The following CEP44 variants were observed in gnomAD, a reference collection of about 807,000 sequenced individuals.
CEP44 encodes the protein centrosomal protein 44.
CEP44 carries 45 observed loss-of-function variants against 46.7 expected under a neutral mutation model. The ratio of observed to expected loss-of-function variants is 0.96; its 90% CI spans 0.76 to 1.24. The LOEUF (loss-of-function observed/expected upper bound fraction) is 1.24. CEP44 is among the 50% of genes most tolerant of loss of function. CEP44 has a pLI of 0.00. For missense variants in CEP44, 475 were observed against 459.7 expected, an observed-to-expected ratio of 1.03 and a Z score of -0.30; for synonymous variants, 142 against 146.0, an observed-to-expected ratio of 0.97 and a Z score of 0.20.
Position 174,288,377 on chromosome 4 carries a change from T to A in CEP44, c.-148+4434T>A, listed in dbSNP as rs1243266975. ...AGACACTGGGTTGTACCTGCAGATC[T>A]TATTTATTTTGCCTAACTGAAACTT... On this transcript the variant is annotated intron_variant, in intron 1 of 11. Coordinates refer to ENST00000503780, the MANE Select transcript of CEP44 (RefSeq NM_001040157.3). The surrounding 1 kb of genome is among the most constrained non-coding windows in gnomAD (Gnocchi z 4.6). Among the ~76,000 whole-genome samples, 1 of 152,184 alleles carries A rather than the reference T, an allele frequency of 6.6e-6. No individual in the cohort carries two copies. Among genetic ancestry groups the A allele is most frequent in the East Asian group, 1.9e-4 (1 of 5,194 alleles).
At position 174,329,070 on chromosome 4, in the gene CEP44, G is replaced by A. The variant is rs944139202; in HGVS notation, c.1087-2412G>A. 1.3e-5 allele frequency among the ~76,000 whole-genome samples: 2 copies of A among 151,946 alleles called. No homozygotes were observed. Among genetic ancestry groups the A allele is most frequent in the Non-Finnish European group, 2.9e-5 (2 of 67,954 alleles). On this transcript the variant is annotated intron_variant, in intron 8 of 8. Coordinates refer to the CEP44 transcript ENST00000426172. This position sits in a 1 kb window ranked among gnomAD's most constrained non-coding sequence, Gnocchi z 4.0. ...CAAGCAATCCTCCCACAGCAGCCACGTGAGTAGCCAGAACTACAGATGTGT... is the reference window on the plus strand; with the variant it reads ...CAAGCAATCCTCCCACAGCAGCCACATGAGTAGCCAGAACTACAGATGTGT...
intron 6 of CEP44, among the ~76,000 whole-genome samples, chr4:174,308,078 A>G (rs1186645678): frequency 6.6e-6 from 1 of 152,152 alleles, no homozygotes; most frequent in Non-Finnish European, 1.5e-5. Flanking sequence ...AGACCATTTG[A>G]CCCAGCAGTC....
chr4:174,299,575 A>G (rs1360980989), intron 3 of CEP44, among the ~76,000 whole-genome samples: 1 of 152,204 alleles, frequency 6.6e-6, no homozygotes. Context: ...ATCCAGAATA[A>G]GAAGAGATTG....
chr4:174,289,844 T>G (rs1579063860), intron 1 of CEP44, among the ~76,000 whole-genome samples: 1 of 151,952 alleles, frequency 6.6e-6, no homozygotes, highest in Non-Finnish European at 1.5e-5. Flanking sequence ...GACCTTTTTT[T>G]TTTTTTCTTT....
intron 1 of CEP44, among the ~76,000 whole-genome samples, chr4:174,296,727 T>C (rs962897436): frequency 6.6e-6 from 1 of 151,592 alleles, no homozygotes; most frequent in East Asian, 1.9e-4. Context: ...ATATTTGTTA[T>C]ATCCAGTTGA....
In CEP44 at chr4:174,325,739, C is replaced by T. The variant is rs900689561; in HGVS notation, c.1087-5743C>T. On this transcript the variant is annotated intron_variant, in intron 8 of 8. Transcript: ENST00000426172. The surrounding 1 kb of genome is among the most constrained non-coding windows in gnomAD (Gnocchi z 4.4). ...AAAACTTTTATTTTTTCTTTCAGTTCTATCATGTATTTTTAAACCTGTTTT... is the reference window on the plus strand; with the variant it reads ...AAAACTTTTATTTTTTCTTTCAGTTTTATCATGTATTTTTAAACCTGTTTT... 6.6e-6 allele frequency among the ~76,000 whole-genome samples: 1 copy of T among 152,116 alleles called. No individual in the cohort carries two copies. Among genetic ancestry groups the T allele is most frequent in the Non-Finnish European group, 1.5e-5 (1 of 67,996 alleles).
chr4:174,284,623 GA>G (rs1668412560), intron 1 of CEP44, among the ~76,000 whole-genome samples: 2 of 151,848 alleles, frequency 1.3e-5, no homozygotes, highest in African/African-American at 4.8e-5. Context: ...TTTTTTTCCC[GA>G]ATTATCTGCA....
Position 174,288,329 on chromosome 4 carries a change from A to G in CEP44, c.-148+4386A>G, listed in dbSNP as rs141499288. 3.5e-3 allele frequency among the ~76,000 whole-genome samples: 538 copies of G among 152,278 alleles called. 3 individuals carry two copies. Among genetic ancestry groups the G allele is most frequent in the Middle Eastern group, 0.017 (5 of 294 alleles). ...AGATCTAACTTCTTAGCAAAATTTT[A>G]AGAATACAATATTGCTAATCACAGA... On this transcript the variant is annotated intron_variant, in intron 1 of 11. Transcript: ENST00000503780. This position sits in a 1 kb window ranked among gnomAD's most constrained non-coding sequence, Gnocchi z 4.6.
At chr4:174,284,672 T>C (rs959797118) in intron 1 of CEP44, among the ~76,000 whole-genome samples, 1 of 152,180 alleles carries the variant, frequency 6.6e-6, no homozygotes, top group Admixed American at 6.5e-5. Context: ...GCAGTCCCGT[T>C]GAACTCTTTA....
In CEP44 at chr4:174,331,005, G is replaced by A. The variant is rs1731292251; in HGVS notation, c.1087-477G>A. Among the ~76,000 whole-genome samples, 1 of 152,020 alleles carries A rather than the reference G, an allele frequency of 6.6e-6. No homozygotes were observed. The highest frequency in any genetic ancestry group is 1.5e-5 in the Non-Finnish European group (1 of 67,984). ...TTTGATGATATGTATTATTATTTTA[G>A]GATGTGCTTTCAGGATATGCAGTGG... On this transcript the variant is annotated intron_variant, in intron 8 of 8. Transcript: ENST00000426172. The surrounding 1 kb of genome is among the most constrained non-coding windows in gnomAD (Gnocchi z 4.5).
rs1343439531 is a variant in CEP44, at chr4:174,331,783, T to C, written c.*188T>C. The stretch of plus-strand genomic sequence containing the variant: ...CATGGGTAACACTTAGTTGTTTGTC[T>C]AATTTCTATTTTCCAGAAATTTCTC... On this transcript the variant is annotated 3_prime_UTR_variant, in exon 9 of 9. Coordinates refer to the CEP44 transcript ENST00000426172. The surrounding 1 kb of genome is among the most constrained non-coding windows in gnomAD (Gnocchi z 4.5). The C allele has an allele frequency of 3.0e-6, 2 of 659,672 alleles. No individual in the cohort carries two copies. The highest frequency in any genetic ancestry group is 1.8e-5 in the African/African-American group (1 of 54,454). 40.9% of individuals were successfully genotyped at this position (659,672 alleles called of 1,614,324 possible).
chr4:174,289,209 G>A (rs755264019), intron 1 of CEP44, among the ~76,000 whole-genome samples: 9 of 151,276 alleles, frequency 5.9e-5, no homozygotes, highest in Non-Finnish European at 1.2e-4. Context: ...AAATGTATTA[G>A]ACTGTAGTTT....
chr4:174,313,381 GAA>G (rs536148825), intron 9 of CEP44, among the ~76,000 whole-genome samples: 5 of 131,280 alleles, frequency 3.8e-5, no homozygotes, highest in Non-Finnish European at 3.3e-5. Flanking sequence ...TCCCTCAGAG[GAA>G]AAAAAAAAAA....
Position 174,299,154 on chromosome 4 carries a change from G to T in CEP44, c.33G>T (p.Arg11=). MATGDLKRSL[R]NLEQVLRLLN... The stretch of plus-strand genomic sequence containing the variant: ...CAGGTGACTTAAAAAGAAGCTTACG[G>T]AACCTAGAACAGGTGCTCCGCTTGC... The change falls in exon 3 of 12, where the codon CGG becomes CGT. Residue 11 remains arginine, a synonymous_variant. Transcript: ENST00000503780. 2 of 1,613,656 alleles carry T rather than the reference G, an allele frequency of 1.2e-6. No individual in the cohort carries two copies. The highest frequency in any genetic ancestry group is 1.7e-6 in the Non-Finnish European group (2 of 1,179,670).
Position 174,314,138 on chromosome 4 carries a change from A to C in CEP44, c.962-2028A>C, listed in dbSNP as rs1741403021. ...AGAAGATTTCATGTCCCATACCCCC[A>C]TAATCTTAGAAGTAGAAGAGTCCCT... is the stretch of plus-strand genomic sequence containing the variant. On this transcript the variant is annotated intron_variant, in intron 9 of 11. Transcript: ENST00000503780. This position sits in a 1 kb window ranked among gnomAD's most constrained non-coding sequence, Gnocchi z 4.1. Among the ~76,000 whole-genome samples, 1 of 152,160 alleles carries C rather than the reference A, an allele frequency of 6.6e-6. No homozygotes were observed. The highest frequency in any genetic ancestry group is 1.5e-5 in the Non-Finnish European group (1 of 68,024).
intron 5 of CEP44, 38 bp from the exon 6 acceptor site, chr4:174,304,209 A>G (rs375942466): frequency 1.8e-4 from 285 of 1,556,848 alleles, no homozygotes; most frequent in Non-Finnish European, 2.4e-4. Flanking sequence ...ATGCTTTCAC[A>G]CAAAATTTGT....
Position 174,325,947 on chromosome 4 carries a change from T to C in CEP44, c.1087-5535T>C, listed in dbSNP as rs1429364292. On this transcript the variant is annotated intron_variant, in intron 8 of 8. Transcript: ENST00000426172. This position sits in a 1 kb window ranked among gnomAD's most constrained non-coding sequence, Gnocchi z 4.4. ...TTATTTCCCATCTTTTTACTTTTAATGTATCTGAGTCTGTGCATTTAAAGT... is the reference window on the plus strand; with the variant it reads ...TTATTTCCCATCTTTTTACTTTTAACGTATCTGAGTCTGTGCATTTAAAGT... Among the ~76,000 whole-genome samples the C allele has an allele frequency of 1.3e-5, 2 of 152,150 alleles. No homozygotes were observed. The highest frequency in any genetic ancestry group is 4.8e-5 in the African/African-American group (2 of 41,450).
At chr4:174,320,681 GCT>G (rs70947425), downstream of CEP44, among the ~76,000 whole-genome samples, 3 of 79,842 alleles carry the variant, frequency 3.8e-5, no homozygotes, top group African/African-American at 1.2e-4. Context: ...TACTGAGTGT[GCT>G]CTGTGTGTGT....
intron 6 of CEP44, 52 bp from the exon 7 acceptor site, chr4:174,308,637 A>G: frequency 6.5e-7 from 1 of 1,535,174 alleles, no homozygotes; most frequent in Non-Finnish European, 8.8e-7. Flanking sequence ...AAAAATAAAT[A>G]ATTGTGGGAG....
Sources: allele counts gnomAD v4.1 joint callset (sites outside exome capture counted in the v4.1 genomes callset), GRCh38; gene constraint gnomAD v4.1.1; non-coding constraint Gnocchi (gnomAD v3.1); transcripts MANE v1.5; gene names NCBI Gene and HGNC (gene_info 2026-07-23, HGNC 2026-07-21).